Variants in NR3C1 observed in about 807,000 individuals in gnomAD.
The protein encoded by NR3C1 is nuclear receptor subfamily 3 group C member 1, also known as glucocorticoid receptor.
In NR3C1, 14 loss-of-function variants were observed where a neutral mutation model predicts 74.0. The ratio of observed to expected loss-of-function variants is 0.19; its 90% confidence interval spans 0.12 to 0.30. The LOEUF (loss-of-function observed/expected upper bound fraction) is 0.30. NR3C1 is among the 10% of genes least tolerant of loss of function. The pLI is 1.00. For synonymous variants in NR3C1, 308 were observed against 332.5 expected, an observed-to-expected ratio of 0.93 and a Z score of 0.80; for missense variants, 695 against 909.8, an observed-to-expected ratio of 0.76 and a Z score of 3.04.
chr5:143,347,276 A>C (rs540605991), intron 2 of NR3C1, among the ~76,000 whole-genome samples: 26 of 152,304 alleles, frequency 1.7e-4, no homozygotes, highest in African/African-American at 6.0e-4. Flanking sequence ...TATAAGTTGC[A>C]GTCATTAATA....
intron 4 of NR3C1, among the ~76,000 whole-genome samples, chr5:143,304,328 G>A (rs551033996): frequency 6.6e-5 from 10 of 152,028 alleles, no homozygotes; most frequent in East Asian, 5.8e-4. Context: ...CACAAAAAGA[G>A]TAAAATACCT....
chr5:143,323,179 G>A (rs1465217787), intron 2 of NR3C1, among the ~76,000 whole-genome samples: 4 of 152,152 alleles, frequency 2.6e-5, no homozygotes, highest in Non-Finnish European at 4.4e-5. Flanking sequence ...GCTCCCTGCC[G>A]GTTAGTCCCT....
intron 7 of NR3C1, among the ~76,000 whole-genome samples, chr5:143,285,613 C>T (rs968488063): frequency 6.6e-6 from 1 of 152,038 alleles, no homozygotes; most frequent in Non-Finnish European, 1.5e-5. Flanking sequence ...ACAAACATAT[C>T]TGGAGAAAAA....
intron 7 of NR3C1, among the ~76,000 whole-genome samples, chr5:143,291,711 C>CTA (rs1321129794): frequency 5.3e-5 from 8 of 152,188 alleles, no homozygotes; most frequent in African/African-American, 1.9e-4. Flanking sequence ...TTTGACCTAT[C>CTA]TATCTTCAAG....
At chr5:143,396,174 G>C (rs534140728) in intron 2 of NR3C1, among the ~76,000 whole-genome samples, 1 of 151,794 alleles carries the variant, frequency 6.6e-6, no homozygotes, top group Admixed American at 6.6e-5. Context: ...ACATATTTCT[G>C]CATTAGTCAT....
chr5:143,309,483 C>A (rs756705208), intron 4 of NR3C1, among the ~76,000 whole-genome samples: 2 of 152,144 alleles, frequency 1.3e-5, no homozygotes, highest in African/African-American at 4.8e-5. Context: ...TTGAGGCCTA[C>A]GGTGGAAAAG....
intron 7 of NR3C1, chr5:143,295,160 G>A (rs1030929810): frequency 1.0e-6 from 1 of 985,264 alleles, no homozygotes; most frequent in Non-Finnish European, 1.2e-6. Flanking sequence ...CTTTTTCCAT[G>A]TCTTCCCATG....
intron 4 of NR3C1, among the ~76,000 whole-genome samples, chr5:143,302,260 T>C (rs1818657899): frequency 6.6e-6 from 1 of 152,142 alleles, no homozygotes; most frequent in South Asian, 2.1e-4. Context: ...AAGTACCACA[T>C]AACAACTATC....
chr5:143,402,504 A>C (rs1840481351), intron 1 of NR3C1: 1 of 762,914 alleles, frequency 1.3e-6, no homozygotes, highest in South Asian at 5.9e-5. Context: ...TAGAAACCTC[A>C]GGCGCGAATT....
chr5:143,400,016 T>C lies in NR3C1; in HGVS notation c.824A>G (p.Gln275Arg). The stretch of plus-strand genomic sequence containing the variant: ...GAAATCTTCTTTTTCTGTTTTCACT[T>C]GGGGCAGTGTTACATTACTGGGGCT... ...LSSPSNVTLP[Q>R]VKTEKEDFIE... The change falls in exon 2 of 9, where the codon CAA becomes CGA. Residue 275 changes from glutamine to arginine, a missense_variant. By Grantham distance (43) the Gln-to-Arg change is conservative. Transcript: ENST00000394464. 1 of 1,614,208 alleles carries C rather than the reference T, an allele frequency of 6.2e-7. No homozygotes were observed. The highest frequency in any genetic ancestry group is 8.5e-7 in the Non-Finnish European group (1 of 1,180,036).
intron 2 of NR3C1, among the ~76,000 whole-genome samples, chr5:143,333,443 G>C (rs1294089758): frequency 6.6e-6 from 1 of 152,134 alleles, no homozygotes; most frequent in Non-Finnish European, 1.5e-5. Flanking sequence ...CATAGCCTAA[G>C]AGTTATAGGC....
At chr5:143,380,312 CA>C (rs1835954941) in intron 2 of NR3C1, among the ~76,000 whole-genome samples, 1 of 152,150 alleles carries the variant, frequency 6.6e-6, no homozygotes, top group African/African-American at 2.4e-5. Context: ...TTATAAACAT[CA>C]GTAATTGTGT....
chr5:143,401,293 C>G (rs1379676728), intron 1 of NR3C1: 3 of 225,382 alleles, frequency 1.3e-5, no homozygotes, highest in Non-Finnish European at 1.8e-5. Flanking sequence ...TTTCTGAGAA[C>G]CAATACATAT....
At chr5:143,407,281 T>G (rs1040521348), upstream of NR3C1, 1 of 152,228 alleles carries the variant, frequency 6.6e-6, no homozygotes, top group Non-Finnish European at 1.5e-5. Flanking sequence ...AAATCACTTT[T>G]ACTGGGTTAT....
chr5:143,292,919 T>C (rs1172055197), intron 7 of NR3C1, among the ~76,000 whole-genome samples: 1 of 152,238 alleles, frequency 6.6e-6, no homozygotes, highest in Non-Finnish European at 1.5e-5. Flanking sequence ...GAAAAGTCAT[T>C]GCTTTTCCAG....
At chr5:143,328,641 C>T (rs919323580) in intron 2 of NR3C1, among the ~76,000 whole-genome samples, 9 of 152,170 alleles carry the variant, frequency 5.9e-5, no homozygotes, top group South Asian at 2.1e-4. Context: ...CATGACTGAA[C>T]GCTTTCAGAA....
intron 2 of NR3C1, among the ~76,000 whole-genome samples, chr5:143,380,058 C>G (rs1835905294): frequency 6.6e-6 from 1 of 151,998 alleles, no homozygotes; most frequent in Non-Finnish European, 1.5e-5. Flanking sequence ...GGGAAGGCAC[C>G]CAGTATGTTT....
At chr5:143,296,081 T>G (rs936529246) in intron 6 of NR3C1, among the ~76,000 whole-genome samples, 1 of 152,218 alleles carries the variant, frequency 6.6e-6, no homozygotes, top group African/African-American at 2.4e-5. Context: ...AGACTTCTGA[T>G]GCTCAAAATC....
chr5:143,394,914 C>T (rs1387282164), intron 2 of NR3C1, among the ~76,000 whole-genome samples: 1 of 151,874 alleles, frequency 6.6e-6, no homozygotes, highest in African/African-American at 2.4e-5. Context: ...GTTGCTCCTC[C>T]CTCTTCACCC....
Sources: gnomAD v4.1 joint callset for allele counts (sites outside exome capture counted in the v4.1 genomes callset) on GRCh38, gnomAD v4.1.1 for gene constraint, MANE v1.5 for transcripts, NCBI Gene and HGNC (gene_info 2026-07-23, HGNC 2026-07-21) for gene names.